PPIL6: variants seen among roughly 807,000 people sequenced by gnomAD.
PPIL6 encodes the protein probable inactive peptidyl-prolyl cis-trans isomerase-like 6.
A neutral mutation model predicts 36.8 loss-of-function variants in PPIL6; 39 were observed. The observed-to-expected ratio is 1.06, with a 90% CI of 0.82 to 1.38. The LOEUF (loss-of-function observed/expected upper bound fraction) is 1.38, where lower values mean the gene tolerates loss of function less well. Ranked by LOEUF, PPIL6 falls within the 40% of genes most tolerant of loss-of-function variation. PPIL6 has a pLI of 0.00. For missense variants in PPIL6, 368 were observed against 379.1 expected, an observed-to-expected ratio of 0.97 and a Z score of 0.24; for synonymous variants, 123 against 134.1, an observed-to-expected ratio of 0.92 and a Z score of 0.57.
At chr6:109,424,218 T>C (rs963306627) in intron 5 of PPIL6, among the ~76,000 whole-genome samples, 1 of 151,796 alleles carries the variant, frequency 6.6e-6, no homozygotes, top group African/African-American at 2.4e-5. Context: ...GACAGTGGGG[T>C]TGGGGGCAGG....
intron 1 of PPIL6, among the ~76,000 whole-genome samples, chr6:109,439,545 C>T (rs926229231): frequency 4.6e-5 from 7 of 152,004 alleles, no homozygotes; most frequent in African/African-American, 1.7e-4. Context: ...TTAGTAGAAA[C>T]GGGGTTTCAC....
intron 3 of PPIL6, among the ~76,000 whole-genome samples, chr6:109,430,246 A>G (rs902089555): frequency 3.3e-5 from 5 of 152,228 alleles, no homozygotes; most frequent in African/African-American, 1.2e-4. Flanking sequence ...TTTTCTGCAC[A>G]ATGCAGTTGT....
intron 6 of PPIL6, among the ~76,000 whole-genome samples, chr6:109,414,477 C>CTTTTTTTTTT (rs146541023): frequency 3.5e-5 from 3 of 86,512 alleles, no homozygotes; most frequent in Non-Finnish European, 6.0e-5. Context: ...TGTCTTTTAG[C>CTTTTTTTTTT]TTTTTTTTTT....
At chr6:109,411,990 G>A (rs1773032519) in intron 6 of PPIL6, among the ~76,000 whole-genome samples, 2 of 152,050 alleles carry the variant, frequency 1.3e-5, no homozygotes, top group African/African-American at 2.4e-5. Context: ...GGCTCAGATT[G>A]AGGACTCCAG....
At chr6:109,404,435 G>A (rs989926445) in intron 6 of PPIL6, among the ~76,000 whole-genome samples, 1 of 152,200 alleles carries the variant, frequency 6.6e-6, no homozygotes, top group African/African-American at 2.4e-5. Flanking sequence ...CTGTGCTGCC[G>A]CACCCAACTC....
chr6:109,419,110 G>C (rs1773414692), intron 6 of PPIL6, 77 bp downstream of exon 6: 11 of 877,764 alleles, frequency 1.3e-5, no homozygotes, highest in South Asian at 2.9e-5. Context: ...ATCTTATTTG[G>C]AATTGTGAAA....
At chr6:109,426,364 C>G (rs992004638) in intron 5 of PPIL6, among the ~76,000 whole-genome samples, 9 of 152,074 alleles carry the variant, frequency 5.9e-5, no homozygotes, top group African/African-American at 2.2e-4. Context: ...TATGTAAAAC[C>G]AAAGGACTGA....
chr6:109,429,634 T>C (rs1562271648), intron 3 of PPIL6, among the ~76,000 whole-genome samples: 1 of 151,892 alleles, frequency 6.6e-6, no homozygotes, highest in East Asian at 1.9e-4. Flanking sequence ...CTCCAGGGAG[T>C]GATGAAAAGA....
intron 1 of PPIL6, among the ~76,000 whole-genome samples, chr6:109,436,460 G>A (rs546960266): frequency 4.6e-5 from 7 of 152,190 alleles, no homozygotes; most frequent in African/African-American, 1.7e-4. Flanking sequence ...GCTCACACCT[G>A]TAATCTCAGC....
chr6:109,402,933 C>G, intron 6 of PPIL6: 1 of 744,084 alleles, frequency 1.3e-6, no homozygotes, highest in East Asian at 2.9e-5. Context: ...TTAACTCTAA[C>G]TAGCTTTGCA....
At chr6:109,431,458 G>A in intron 2 of PPIL6, 113 bp from the exon 3 acceptor site, 1 of 570,602 alleles carries the variant, frequency 1.8e-6, no homozygotes, top group African/African-American at 1.9e-5. Context: ...GTCAACTCTA[G>A]TATTGAATCT....
intron 6 of PPIL6, among the ~76,000 whole-genome samples, chr6:109,411,359 G>A (rs1319111646): frequency 2.0e-5 from 3 of 152,122 alleles, no homozygotes; most frequent in Non-Finnish European, 4.4e-5. Flanking sequence ...GAGTCCTTAG[G>A]CTCTTTGGCA....
At chr6:109,420,332 CAAAAAAAAAAAAAAAA>C (rs564751735) in intron 5 of PPIL6, among the ~76,000 whole-genome samples, 7 of 50,952 alleles carry the variant, frequency 1.4e-4, no homozygotes, top group Admixed American at 2.8e-4. Flanking sequence ...GACTCCATCT[CAAAAAAAAAAAAAAAA>C]AAAAAAAAAA....
intron 6 of PPIL6, among the ~76,000 whole-genome samples, chr6:109,400,860 ATT>A (rs994867120): frequency 6.7e-6 from 1 of 149,782 alleles, no homozygotes; most frequent in Admixed American, 6.7e-5. Flanking sequence ...TTCAAATAAA[ATT>A]TTTTTTTTGT....
At chr6:109,432,252 C>T (rs373424454) in intron 2 of PPIL6, among the ~76,000 whole-genome samples, 11 of 152,176 alleles carry the variant, frequency 7.2e-5, no homozygotes, top group South Asian at 4.2e-4. Context: ...AAATGACTTA[C>T]GAGGGTCAAC....
intron 2 of PPIL6, among the ~76,000 whole-genome samples, chr6:109,435,064 C>T (rs1172799435): frequency 6.6e-6 from 1 of 152,102 alleles, no homozygotes; most frequent in Non-Finnish European, 1.5e-5. Flanking sequence ...CTTCCCCAGG[C>T]AACAGTCCCA....
chr6:109,437,479 T>C (rs1417353648), intron 1 of PPIL6, among the ~76,000 whole-genome samples: 1 of 152,030 alleles, frequency 6.6e-6, no homozygotes. Flanking sequence ...AGCTGACGCA[T>C]CTTGTTTCTC....
intron 2 of PPIL6, among the ~76,000 whole-genome samples, chr6:109,433,820 G>A (rs1281748008): frequency 2.0e-5 from 3 of 152,180 alleles, no homozygotes; most frequent in African/African-American, 7.2e-5. Context: ...GAGGGAGGGG[G>A]ATGAAAGGAA....
At chr6:109,396,743 G>A (rs545561353) in intron 7 of PPIL6, among the ~76,000 whole-genome samples, 4 of 151,732 alleles carry the variant, frequency 2.6e-5, no homozygotes, top group African/African-American at 9.7e-5. Context: ...GGCTTGTTTT[G>A]TGATATTCTT....
Sources: gnomAD v4.1 joint callset for allele counts (sites outside exome capture counted in the v4.1 genomes callset) on GRCh38, gnomAD v4.1.1 for gene constraint, MANE v1.5 for transcripts, NCBI Gene and HGNC (gene_info 2026-07-23, HGNC 2026-07-21) for gene names.